The following SIPA1L3 variants were observed in gnomAD, a reference collection of about 807,000 sequenced individuals.
The protein encoded by SIPA1L3 is signal induced proliferation associated 1 like 3.
A neutral mutation model predicts 150.1 loss-of-function variants in SIPA1L3; 59 were observed. The observed-to-expected ratio is 0.39, with a 90% CI of 0.32 to 0.49. The LOEUF is 0.49. Among genes scored for constraint, SIPA1L3 ranks in the 20% least tolerant of loss-of-function variants. The pLI is 0.86. For synonymous variants in SIPA1L3, 1,070 were observed against 1,077.6 expected, an observed-to-expected ratio of 0.99 and a Z score of 0.14; for missense variants, 2,211 against 2,489.5, an observed-to-expected ratio of 0.89 and a Z score of 2.38.
At chr19:37,977,715 C>T (rs1967109313) in intron 1 of SIPA1L3, among the ~76,000 whole-genome samples, 4 of 152,144 alleles carry the variant, frequency 2.6e-5, no homozygotes, top group Admixed American at 6.5e-5. Context: ...CCTCCATGCT[C>T]AGTAACTGGA....
chr19:37,957,739 A>G (rs1437311083), intron 1 of SIPA1L3, among the ~76,000 whole-genome samples: 1 of 151,920 alleles, frequency 6.6e-6, no homozygotes, highest in Non-Finnish European at 1.5e-5. Context: ...TTTTTGAGAC[A>G]GAGTCTTCTG....
chr19:37,991,562 T>C (rs1306219479), intron 1 of SIPA1L3, among the ~76,000 whole-genome samples: 2 of 152,224 alleles, frequency 1.3e-5, no homozygotes, highest in Non-Finnish European at 2.9e-5. Flanking sequence ...TGGAAAGCCC[T>C]GGGCTGGCTT....
At chr19:38,107,314 G>A (rs10407169) in intron 7 of SIPA1L3, among the ~76,000 whole-genome samples, 4,208 of 152,302 alleles carry the variant, frequency 0.028, 185 homozygotes, top group African/African-American at 0.095. Context: ...GGCCAAGCCC[G>A]AGGCTCATGC....
At chr19:37,979,418 G>A (rs971587415) in intron 1 of SIPA1L3, among the ~76,000 whole-genome samples, 16 of 151,742 alleles carry the variant, frequency 1.1e-4, no homozygotes, top group East Asian at 1.9e-4. Context: ...TTAGCTGGGC[G>A]TGATGGCACA....
intron 1 of SIPA1L3, among the ~76,000 whole-genome samples, chr19:37,945,304 G>A (rs913825606): frequency 2.0e-5 from 3 of 151,714 alleles, no homozygotes; most frequent in East Asian, 1.9e-4. Context: ...GTGCGATCTC[G>A]GCTCACTGCA....
chr19:37,939,795 G>C (rs998692643), intron 1 of SIPA1L3, among the ~76,000 whole-genome samples: 7 of 152,220 alleles, frequency 4.6e-5, no homozygotes, highest in Admixed American at 3.9e-4. Context: ...ATTTAGATTT[G>C]ATTGCTAAGT....
At chr19:37,974,904 G>T (rs1361198130) in intron 1 of SIPA1L3, among the ~76,000 whole-genome samples, 1 of 152,184 alleles carries the variant, frequency 6.6e-6, no homozygotes, top group Non-Finnish European at 1.5e-5. Context: ...GTGGCCAGGT[G>T]TGGTGGCTCA....
chr19:38,140,828 C>T (rs913726747), intron 10 of SIPA1L3, among the ~76,000 whole-genome samples: 5 of 151,930 alleles, frequency 3.3e-5, no homozygotes, highest in African/African-American at 9.7e-5. Context: ...GAGGCTGAGG[C>T]GGGTGGATAA....
intron 1 of SIPA1L3, among the ~76,000 whole-genome samples, chr19:37,981,089 C>G (rs1273507327): frequency 2.6e-5 from 4 of 152,126 alleles, no homozygotes; most frequent in African/African-American, 7.2e-5. Context: ...GGCTTTGGTT[C>G]TTTTTATAGG....
At position 38,141,324 on chromosome 19, in the gene SIPA1L3, C is replaced by A. The variant is rs762415423; in HGVS notation, c.3284C>A (p.Ala1095Asp). 1 of 1,614,058 alleles carries A rather than the reference C, an allele frequency of 6.2e-7. No individual in the cohort carries two copies. Among genetic ancestry groups the A allele is most frequent in the Non-Finnish European group, 8.5e-7 (1 of 1,179,988 alleles). Residue 1095 changes from alanine to aspartate, a missense_variant, in exon 11 of 22, where the codon GCC becomes GAC. Transcript: ENST00000222345. ...CCCGCATCCCATAACTCTCTACCAG[C>A]CTCCAAGTGGGCCACTCCAACCACT... ...SGPASHNSLP[A>D]SKWATPTTPG...
chr19:38,076,143 A>AAAT (rs955740665), intron 2 of SIPA1L3, among the ~76,000 whole-genome samples: 4 of 151,832 alleles, frequency 2.6e-5, no homozygotes, highest in Non-Finnish European at 5.9e-5. Flanking sequence ...CTGTCTCAAA[A>AAAT]AATAATAATA....
intron 9 of SIPA1L3, 51 bp downstream of exon 9, chr19:38,119,933 C>T: frequency 1.5e-6 from 2 of 1,350,516 alleles, no homozygotes; most frequent in Non-Finnish European, 2.0e-6. Context: ...GTTTCGGCCT[C>T]AGGAACCACT....
At chr19:38,089,762 G>T (rs1970220583) in intron 4 of SIPA1L3, among the ~76,000 whole-genome samples, 3 of 152,234 alleles carry the variant, frequency 2.0e-5, no homozygotes, top group Admixed American at 2.0e-4. Context: ...ACTCTAAATT[G>T]TAAGTGACAG....
chr19:37,956,585 G>A (rs2046813937), intron 1 of SIPA1L3, among the ~76,000 whole-genome samples: 1 of 147,024 alleles, frequency 6.8e-6, no homozygotes. Context: ...CCGGGTTCAA[G>A]CAATTCTCCT....
At chr19:38,152,756 C>G in intron 12 of SIPA1L3, 84 bp from the exon 13 acceptor site, 1 of 1,460,602 alleles carries the variant, frequency 6.8e-7, no homozygotes, top group Non-Finnish European at 9.3e-7. Flanking sequence ...AACCCACTGG[C>G]GAGCAAGGCT....
intron 1 of SIPA1L3, among the ~76,000 whole-genome samples, chr19:37,987,227 C>T (rs1449546246): frequency 6.6e-6 from 1 of 152,120 alleles, no homozygotes; most frequent in Non-Finnish European, 1.5e-5. Flanking sequence ...CGCGCCCGGA[C>T]ACATCTGCTT....
intron 16 of SIPA1L3, among the ~76,000 whole-genome samples, chr19:38,188,032 A>G (rs1972726661): frequency 6.6e-6 from 1 of 152,070 alleles, no homozygotes; most frequent in Non-Finnish European, 1.5e-5. Flanking sequence ...ATATTAACTT[A>G]GAATTATTAT....
At position 38,182,732 on chromosome 19, in the gene SIPA1L3, C is replaced by T; in HGVS notation, c.4422C>T (p.Asp1474=). 6.2e-7 allele frequency: 1 copy of T among 1,611,204 alleles called. No individual in the cohort carries two copies. The change falls in exon 16 of 22, where the codon GAC becomes GAT. Residue 1474 remains aspartate, a synonymous_variant. Transcript: ENST00000222345. The part of the protein sequence containing the change: ...EPPPRPLPFS[D]PKKQVDTNTK... ...CACCACGGCCACTCCCCTTCAGTGA[C>T]CCAAAGAAGTAAGTGCCTGGACGTC...
At chr19:38,037,763 A>G (rs1599937377) in intron 2 of SIPA1L3, among the ~76,000 whole-genome samples, 2 of 152,258 alleles carry the variant, frequency 1.3e-5, no homozygotes, top group Admixed American at 1.3e-4. Context: ...GAGTAAAACA[A>G]TAAGGAGCGT....
Sources: gnomAD v4.1 joint callset for allele counts (sites outside exome capture counted in the v4.1 genomes callset) on GRCh38, gnomAD v4.1.1 for gene constraint, MANE v1.5 for transcripts, NCBI Gene and HGNC (gene_info 2026-07-23, HGNC 2026-07-21) for gene names.